Variants in CPE observed in about 807,000 individuals in gnomAD.
CPE encodes carbocypeptidase E.
Under a neutral mutation model 53.5 loss-of-function variants are expected in CPE, and 17 were observed. The ratio of observed to expected loss-of-function variants is 0.32; its 90% CI spans 0.22 to 0.48. The LOEUF (loss-of-function observed/expected upper bound fraction) is 0.48. Among genes scored for constraint, CPE ranks in the 20% least tolerant of loss-of-function variants. CPE has a pLI of 0.99. For missense variants in CPE, 524 were observed against 614.7 expected (o/e 0.85, Z 1.56); for synonymous variants, 226 against 228.8 (o/e 0.99, Z 0.11).
At chr4:165,469,770 G>T (rs1732170126) in intron 3 of CPE, among the ~76,000 whole-genome samples, 1 of 152,178 alleles carries the variant, frequency 6.6e-6, no homozygotes, top group African/African-American at 2.4e-5. Flanking sequence ...ATGACAGGCA[G>T]TAGGCTGAGG....
chr4:165,464,193 C>T (rs994552231), intron 1 of CPE, among the ~76,000 whole-genome samples, 197 bp from the exon 2 acceptor site: 4 of 152,034 alleles, frequency 2.6e-5, no homozygotes, highest in Non-Finnish European at 5.9e-5. Context: ...CAGTTCAGTC[C>T]ATAACAGGTG....
intron 1 of CPE, among the ~76,000 whole-genome samples, chr4:165,395,787 C>G (rs1158085815): frequency 3.3e-5 from 5 of 152,146 alleles, no homozygotes; most frequent in Admixed American, 3.3e-4. Context: ...TAGGCACATG[C>G]ATAACATGTA....
chr4:165,414,641 T>C (rs1339964109), intron 1 of CPE, among the ~76,000 whole-genome samples: 2 of 152,094 alleles, frequency 1.3e-5, no homozygotes, highest in Non-Finnish European at 2.9e-5. Flanking sequence ...TTAAGAAATG[T>C]TGAGCCAAAG....
At chr4:165,432,982 T>C (rs1411346290) in intron 1 of CPE, among the ~76,000 whole-genome samples, 1 of 152,204 alleles carries the variant, frequency 6.6e-6, no homozygotes, top group Non-Finnish European at 1.5e-5. Context: ...CCTGGATTTG[T>C]CCAAAGACAA....
chr4:165,407,471 A>T (rs1429301809), intron 1 of CPE, among the ~76,000 whole-genome samples: 5 of 151,394 alleles, frequency 3.3e-5, no homozygotes, highest in Non-Finnish European at 7.4e-5. Flanking sequence ...CCTGGGCTCA[A>T]GGGATTCTCC....
intron 1 of CPE, among the ~76,000 whole-genome samples, chr4:165,400,207 T>A (rs1730843709): frequency 6.6e-6 from 1 of 152,200 alleles, no homozygotes; most frequent in African/African-American, 2.4e-5. Context: ...TGGCCAGCAG[T>A]TTGAAATGAA....
Position 165,495,630 on chromosome 4 carries a change from C to G in CPE, c.1285C>G (p.Leu429Val). The change falls in exon 8 of 9, where the codon CTG (leucine) becomes GTG (valine). Residue 429 changes from leucine (L) to valine (V), a missense_variant. Coordinates refer to ENST00000402744, the MANE Select transcript of CPE (RefSeq NM_001873.4). ...YKLTASAPGY[L>V]AITKKVAVPY... ...ACTTACAGCCTCAGCTCCAGGCTAT[C>G]TGGCAATAACAAAGAAAGTGGCAGT... The G allele has an allele frequency of 1.2e-6, 2 of 1,613,936 alleles. No individual in the cohort carries two copies. The highest frequency in any genetic ancestry group is 1.7e-6 in the Non-Finnish European group (2 of 1,179,920).
intron 1 of CPE, among the ~76,000 whole-genome samples, chr4:165,403,215 G>A (rs1031226568): frequency 2.6e-5 from 4 of 152,090 alleles, no homozygotes; most frequent in Non-Finnish European, 5.9e-5. Flanking sequence ...AAAGCTGAAG[G>A]CGACTGTTTT....
At chr4:165,454,468 A>C (rs1731868078) in intron 1 of CPE, among the ~76,000 whole-genome samples, 1 of 152,246 alleles carries the variant, frequency 6.6e-6, no homozygotes, top group Non-Finnish European at 1.5e-5. Context: ...GAGATTGTTC[A>C]AATAAGGTTT....
chr4:165,409,338 G>A (rs1001830683), intron 1 of CPE, among the ~76,000 whole-genome samples: 1 of 152,130 alleles, frequency 6.6e-6, no homozygotes, highest in Non-Finnish European at 1.5e-5. Flanking sequence ...CCAATAGCTA[G>A]GATTACAGGT....
chr4:165,454,330 C>T (rs866111296), intron 1 of CPE, among the ~76,000 whole-genome samples: 9 of 151,714 alleles, frequency 5.9e-5, no homozygotes, highest in Non-Finnish European at 5.9e-5. Context: ...AGTGCATGTT[C>T]GACACCGCAA....
intron 1 of CPE, among the ~76,000 whole-genome samples, chr4:165,455,088 C>T (rs990698550): frequency 1.3e-5 from 2 of 152,160 alleles, no homozygotes; most frequent in African/African-American, 4.8e-5. Context: ...GATGCTGCCT[C>T]CTAAACTTTT....
At chr4:165,417,558 T>A (rs1432059984) in intron 1 of CPE, among the ~76,000 whole-genome samples, 1 of 28,388 alleles carries the variant, frequency 3.5e-5, no homozygotes, top group Non-Finnish European at 6.3e-5. Context: ...ATTGGCAGTA[T>A]TTTTTTTTTT....
chr4:165,481,013 TATA>T (rs779556879), intron 3 of CPE, among the ~76,000 whole-genome samples: 6,453 of 74,252 alleles, frequency 0.087, 174 homozygotes, highest in South Asian at 0.12. Flanking sequence ...TATATATATA[TATA>T]TTTTTTTTTT....
chr4:165,405,092 G>A, intron 1 of CPE: 1 of 733,618 alleles, frequency 1.4e-6, no homozygotes, highest in Non-Finnish European at 2.5e-6. Context: ...GCTGAAGATG[G>A]AATCCCTTTC....
intron 1 of CPE, among the ~76,000 whole-genome samples, chr4:165,459,498 G>A (rs1203461821): frequency 6.6e-6 from 1 of 152,076 alleles, no homozygotes; most frequent in African/African-American, 2.4e-5. Context: ...ATGAAATTGT[G>A]GGAAAATTGA....
chr4:165,399,689 G>T lies in CPE; in HGVS notation c.307+20161G>T, dbSNP rs74915593. Among the ~76,000 whole-genome samples, 811 of 152,250 alleles carry T rather than the reference G, an allele frequency of 5.3e-3. 6 individuals carry two copies. Among genetic ancestry groups the T allele is most frequent in the South Asian group, 0.028 (134 of 4,816 alleles). On this transcript the variant is annotated intron_variant, in intron 1 of 8. Coordinates refer to ENST00000402744, the MANE Select transcript of CPE (RefSeq NM_001873.4). ...GCCTGGCCACATATCCTCTTTTAAA[G>T]GAGTTCCCTATATACTAGGGAGGAT...
Position 165,495,695 on chromosome 4 carries a change from T to C in CPE, c.1332+18T>C. On this transcript the variant is annotated intron_variant, in intron 8 of 8. Coordinates refer to ENST00000402744, the MANE Select transcript of CPE (RefSeq NM_001873.4). ...CTGCTGGGGTAAGTAATCATAATAA[T>C]AGCCAAACGCTATAATAATAATTAA... 1.4e-6 allele frequency: 2 copies of C among 1,466,820 alleles called. No individual in the cohort carries two copies. Among genetic ancestry groups the C allele is most frequent in the East Asian group, 2.3e-5 (1 of 44,064 alleles). 90.9% of individuals were successfully genotyped at this position (1,466,820 alleles called of 1,614,324 possible).
intron 3 of CPE, among the ~76,000 whole-genome samples, chr4:165,478,615 C>T (rs1482193296): frequency 6.6e-6 from 1 of 152,018 alleles, no homozygotes; most frequent in Non-Finnish European, 1.5e-5. Flanking sequence ...AATCCATTAC[C>T]CTACAATCTT....
Sources: allele counts gnomAD v4.1 joint callset (sites outside exome capture counted in the v4.1 genomes callset), GRCh38; gene constraint gnomAD v4.1.1; transcripts MANE v1.5; gene names NCBI Gene and HGNC (gene_info 2026-07-23, HGNC 2026-07-21).